PUS7: variants seen among roughly 807,000 people sequenced by gnomAD.
PUS7 encodes pseudouridine synthase 7.
Under a neutral mutation model 79.8 loss-of-function variants are expected in PUS7, and 48 were observed. That is an observed-to-expected ratio of 0.60 (90% CI 0.48 to 0.76). The LOEUF is 0.76. Ranked by LOEUF, PUS7 falls within the 30% of genes least tolerant of loss-of-function variation. The pLI, the probability that PUS7 is intolerant of heterozygous loss-of-function variation, is 0.00. For missense variants in PUS7, 729 were observed against 797.6 expected (o/e 0.91, Z 1.04); for synonymous variants, 286 against 272.2 (o/e 1.05, Z -0.50).
At chr7:105,491,374 C>T (rs572186030) in intron 7 of PUS7, among the ~76,000 whole-genome samples, 166 bp downstream of exon 7, 3 of 152,160 alleles carry the variant, frequency 2.0e-5, no homozygotes, top group Admixed American at 6.5e-5. Context: ...AAATAATACA[C>T]GTTTCATAGA....
At chr7:105,475,605 A>C (rs1212477051) in intron 9 of PUS7, among the ~76,000 whole-genome samples, 2 of 151,618 alleles carry the variant, frequency 1.3e-5, no homozygotes, top group East Asian at 3.9e-4. Context: ...TACAGGTGTG[A>C]GCCACCACGC....
chr7:105,521,671 G>T (rs1369404358), intron 1 of PUS7, among the ~76,000 whole-genome samples: 9 of 152,222 alleles, frequency 5.9e-5, no homozygotes, highest in African/African-American at 1.9e-4. Context: ...TTCCTCTGAC[G>T]GAGGGACAAG....
intron 11 of PUS7, among the ~76,000 whole-genome samples, chr7:105,469,016 C>T (rs1463001907): frequency 6.6e-6 from 1 of 151,986 alleles, no homozygotes; most frequent in African/African-American, 2.4e-5. Context: ...ATTCTCCCAC[C>T]CCAGCCTCTT....
At chr7:105,480,910 T>G (rs1206983230) in intron 9 of PUS7, 142 bp downstream of exon 9, 3 of 1,018,716 alleles carry the variant, frequency 2.9e-6, no homozygotes, top group East Asian at 5.4e-5. Flanking sequence ...GTGCACTCAT[T>G]AACTTAAAAC....
chr7:105,467,428 T>C (rs1287242178), intron 12 of PUS7, among the ~76,000 whole-genome samples: 3 of 151,766 alleles, frequency 2.0e-5, no homozygotes, highest in Non-Finnish European at 2.9e-5. Flanking sequence ...TAGCTGGGAC[T>C]ACAGGCGCCT....
intron 14 of PUS7, among the ~76,000 whole-genome samples, chr7:105,460,270 TA>T (rs1036980917): frequency 6.6e-6 from 1 of 152,134 alleles, no homozygotes; most frequent in African/African-American, 2.4e-5. Context: ...TGAGAGTCAG[TA>T]AACTTCACTT....
chr7:105,504,242 C>G lies in PUS7; in HGVS notation c.586-1678G>C, dbSNP rs779543464. 1.5e-3 allele frequency among the ~76,000 whole-genome samples: 217 copies of G among 146,166 alleles called. 2 individuals are homozygous for G. The highest frequency in any genetic ancestry group is 2.8e-3 in the Non-Finnish European group (185 of 66,406). On this transcript the variant is annotated intron_variant, in intron 4 of 15. Coordinates refer to ENST00000469408, the MANE Select transcript of PUS7 (RefSeq NM_019042.5). Reference sequence around the variant, plus strand: ...CCGCCACCACGCCCAGCTAATTTTTCGTATTTTTAGTAGAGATGGGGTTTC... The same window carrying G: ...CCGCCACCACGCCCAGCTAATTTTTGGTATTTTTAGTAGAGATGGGGTTTC...
intron 9 of PUS7, among the ~76,000 whole-genome samples, chr7:105,480,549 G>A (rs1554345307): frequency 2.0e-5 from 3 of 152,258 alleles, no homozygotes; most frequent in South Asian, 4.1e-4. Context: ...GGCTGAGGTC[G>A]GGGGATCACC....
chr7:105,458,801 T>C (rs1586078541), intron 15 of PUS7, among the ~76,000 whole-genome samples: 2 of 152,118 alleles, frequency 1.3e-5, no homozygotes, highest in Middle Eastern at 3.4e-3. Context: ...GACCTCGTGA[T>C]CCGCCCGCCT....
intron 9 of PUS7, among the ~76,000 whole-genome samples, chr7:105,477,068 T>C (rs1824142797): frequency 6.6e-6 from 1 of 152,190 alleles, no homozygotes; most frequent in African/African-American, 2.4e-5. Context: ...TGCACGTTTT[T>C]AATTTTGATA....
intron 2 of PUS7, among the ~76,000 whole-genome samples, chr7:105,506,484 T>C (rs765723840): frequency 2.0e-5 from 3 of 151,390 alleles, no homozygotes; most frequent in Non-Finnish European, 2.9e-5. Context: ...GTGCAGTGGC[T>C]CGATCTCCAC....
chr7:105,502,395 G>A (rs1042967602), intron 5 of PUS7, 25 bp downstream of exon 5: 1 of 1,613,258 alleles, frequency 6.2e-7, no homozygotes, highest in East Asian at 2.2e-5. Context: ...TGCCTGGCAG[G>A]AGGAAGCTGC....
intron 1 of PUS7, among the ~76,000 whole-genome samples, chr7:105,515,154 T>A (rs1162298085): frequency 6.6e-6 from 1 of 152,170 alleles, no homozygotes; most frequent in Non-Finnish European, 1.5e-5. Flanking sequence ...CCCTTTGGTG[T>A]CCTGCTTATG....
chr7:105,476,816 G>A (rs561341548), intron 9 of PUS7, among the ~76,000 whole-genome samples: 17 of 152,268 alleles, frequency 1.1e-4, no homozygotes, highest in African/African-American at 3.9e-4. Context: ...ATATGAAGTG[G>A]TACCTCGTGG....
intron 4 of PUS7, among the ~76,000 whole-genome samples, chr7:105,504,369 C>G (rs1825374081): frequency 6.6e-6 from 1 of 151,928 alleles, no homozygotes; most frequent in South Asian, 2.1e-4. Flanking sequence ...CTGCGCCCAG[C>G]AACTTAATGA....
chr7:105,516,412 A>G (rs1197780689), intron 1 of PUS7, among the ~76,000 whole-genome samples: 1 of 152,070 alleles, frequency 6.6e-6, no homozygotes, highest in East Asian at 1.9e-4. Context: ...TCATTTTCGC[A>G]AGCAGGAACT....
chr7:105,469,942 C>G (rs1823807335), intron 11 of PUS7, among the ~76,000 whole-genome samples: 1 of 152,222 alleles, frequency 6.6e-6, no homozygotes, highest in Non-Finnish European at 1.5e-5. Context: ...ACATTCAAAG[C>G]TGTCCTGGGC....
chr7:105,467,521 C>T (rs1050608339), intron 12 of PUS7, among the ~76,000 whole-genome samples: 22 of 151,728 alleles, frequency 1.4e-4, no homozygotes, highest in Admixed American at 7.2e-4. Flanking sequence ...GATCTCCTGA[C>T]CTCGTGATCT....
At chr7:105,485,456 C>T (rs1484520214) in intron 7 of PUS7, among the ~76,000 whole-genome samples, 1 of 152,150 alleles carries the variant, frequency 6.6e-6, no homozygotes, top group South Asian at 2.1e-4. Flanking sequence ...GTGATCTGCC[C>T]GCCCTAGCCT....
Sources: allele counts gnomAD v4.1 joint callset (sites outside exome capture counted in the v4.1 genomes callset), GRCh38; gene constraint gnomAD v4.1.1; transcripts MANE v1.5; gene names NCBI Gene and HGNC (gene_info 2026-07-23, HGNC 2026-07-21).